Variants in ENDOV observed in about 807,000 individuals in gnomAD.
The protein encoded by ENDOV is endonuclease V.
A neutral mutation model predicts 39.4 loss-of-function variants in ENDOV; 37 were observed. The ratio of observed to expected loss-of-function variants is 0.94; its 90% CI spans 0.72 to 1.23. The LOEUF (loss-of-function observed/expected upper bound fraction) is 1.23. Ranked by LOEUF, ENDOV falls within the 50% of genes most tolerant of loss-of-function variation. The pLI is 0.00. For missense variants in ENDOV, 441 were observed against 375.7 expected, an observed-to-expected ratio of 1.17 and a Z score of -1.44; for synonymous variants, 186 against 163.4, an observed-to-expected ratio of 1.14 and a Z score of -1.05.
In ENDOV at chr17:80,415,558, G is replaced by T. The variant is rs1599264452; in HGVS notation, c.57-92G>T. The T allele has an allele frequency of 4.8e-6, 7 of 1,453,356 alleles. No homozygotes were observed. In the East Asian group the frequency reaches 1.5e-4, roughly 31 times the overall value. The allele number at this position is 1,453,356 out of a possible 1,614,324, so 90.0% of individuals were successfully genotyped here. ...TTCCCTTGAAGCGGGAGAAGACCCG[G>T]CAGAGGCGCTCTGTCCGCTGCAGCC... On this transcript the variant is annotated intron_variant, in intron 1 of 9. Coordinates refer to ENST00000518137, the MANE Select transcript of ENDOV (RefSeq NM_173627.5).
intron 2 of ENDOV, among the ~76,000 whole-genome samples, chr17:80,419,189 A>AC (rs1377430760): frequency 1.4e-4 from 20 of 146,198 alleles, no homozygotes; most frequent in Admixed American, 2.7e-4. Flanking sequence ...AAAAAAAAAA[A>AC]CAGATTCCAG....
chr17:80,419,436 C>A, intron 2 of ENDOV: 1 of 624,564 alleles, frequency 1.6e-6, no homozygotes, highest in Non-Finnish European at 2.9e-6. Flanking sequence ...TCTGGCGGAG[C>A]CCATTCCATG....
chr17:80,425,523 C>T lies in ENDOV; in HGVS notation c.617C>T (p.Pro206Leu), dbSNP rs1462249146. 1.9e-6 allele frequency: 3 copies of T among 1,597,966 alleles called. No individual in the cohort carries two copies. Among genetic ancestry groups the T allele is most frequent in the Admixed American group, 1.7e-5 (1 of 58,510 alleles). ...AGGAGCCACGACCGCAGCACCAGGC[C>T]CCTCTACATCTCCGTGGGCCACAGG... is the stretch of plus-strand genomic sequence containing the variant. ...ALRSHDRSTR[P>L]LYISVGHRMS... is the part of the protein sequence containing the mutation. Residue 206 changes from proline (P) to leucine (L), a missense_variant, in exon 7 of 10, where the codon CCC becomes CTC. Transcript: ENST00000518137.
At position 80,437,198 on chromosome 17, in the gene ENDOV, A is replaced by T. The variant is rs1004195634; in HGVS notation, c.*1055A>T. Reference sequence around the variant, plus strand: ...AGCAGTGATCTGGCTGGGAAAGGGGACCAGGAGTGCAGGGCACCTGCTGAG... The same window carrying T: ...AGCAGTGATCTGGCTGGGAAAGGGGTCCAGGAGTGCAGGGCACCTGCTGAG... On this transcript the variant is annotated 3_prime_UTR_variant, in exon 10 of 10. Coordinates refer to ENST00000518137, the MANE Select transcript of ENDOV (RefSeq NM_173627.5). 5 of 152,624 alleles carry T rather than the reference A, an allele frequency of 3.3e-5. No homozygotes were observed. The highest frequency in any genetic ancestry group is 4.4e-5 in the Non-Finnish European group (3 of 68,070). 9.5% of individuals were successfully genotyped at this position (152,624 alleles called of 1,614,324 possible).
At position 80,415,704 on chromosome 17, in the gene ENDOV, G is replaced by C. The variant is rs2081027458; in HGVS notation, c.111G>C (p.Gln37His). ...TAGACCGGGACACCGAGGCGTGGCA[G>C]CGAGACCCCGCCTTCTCGGGTCTGC... ...HVVDRDTEAW[Q>H]RDPAFSGLQR... The change falls in exon 2 of 10, where the codon CAG (glutamine) becomes CAC (histidine). Residue 37 changes from glutamine to histidine, a missense_variant. Transcript: ENST00000518137. The C allele has an allele frequency of 1.9e-6, 3 of 1,611,190 alleles. No homozygotes were observed. Among genetic ancestry groups the C allele is most frequent in the Middle Eastern group, 1.7e-4 (1 of 6,018 alleles).
rs575096679 is a variant in ENDOV, at chr17:80,423,733, C to T, written c.516+101C>T. ...TTCTGGACCAGCCCTTGCCTGCTGA[C>T]GCTGCCCTCCTCATCCCTGGCTTGT... On this transcript the variant is annotated intron_variant, in intron 5 of 9. Transcript: ENST00000518137. The T allele has an allele frequency of 1.5e-4, 162 of 1,081,884 alleles. No individual in the cohort carries two copies. In the East Asian group the frequency reaches 3.4e-3, roughly 23 times the overall value. The allele number at this position is 1,081,884 out of a possible 1,614,324, so 67.0% of individuals were successfully genotyped here.
chr17:80,429,179 A>T (rs777368313), intron 8 of ENDOV, among the ~76,000 whole-genome samples: 3 of 152,200 alleles, frequency 2.0e-5, no homozygotes, highest in Non-Finnish European at 4.4e-5. Context: ...AGTGCAAGGC[A>T]TTGTCTTAAA....
At chr17:80,422,387 G>A (rs994899142) in intron 4 of ENDOV, 142 bp downstream of exon 4, 42 of 1,017,964 alleles carry the variant, frequency 4.1e-5, no homozygotes, top group African/African-American at 1.3e-4. Context: ...TCGGCGCAAC[G>A]GGGACGCGCA....
chr17:80,415,433 C>T, intron 1 of ENDOV, 183 bp downstream of exon 1: 1 of 971,810 alleles, frequency 1.0e-6, no homozygotes, highest in Non-Finnish European at 1.5e-6. Flanking sequence ...GCGGGGTGGG[C>T]GCGGTTCTCG....
intron 6 of ENDOV, 138 bp downstream of exon 6, chr17:80,425,238 T>C: frequency 1.2e-6 from 1 of 865,978 alleles, no homozygotes; most frequent in Non-Finnish European, 1.8e-6. Flanking sequence ...TCCATCCTCC[T>C]GCCTCTGACT....
At chr17:80,430,100 A>C (rs1026137054) in intron 9 of ENDOV, 2 of 1,534,750 alleles carry the variant, frequency 1.3e-6, no homozygotes, top group African/African-American at 2.7e-5. Flanking sequence ...ACGCCGCAGC[A>C]CAGCCCAGCA....
Position 80,427,570 on chromosome 17 carries a change from A to G in ENDOV, c.715-1026A>G, listed in dbSNP as rs1018803184. ...CAGCCACCCCGTACCAGGAGCCCGC[A>G]GCTTCTTACTGTTGGGCGTGAGCCG... On this transcript the variant is annotated intron_variant, in intron 7 of 9. Coordinates refer to ENST00000518137, the MANE Select transcript of ENDOV (RefSeq NM_173627.5). The G allele has an allele frequency of 2.8e-6, 3 of 1,069,046 alleles. No individual in the cohort carries two copies. In the African/African-American group the frequency reaches 5.0e-5, roughly 18 times the overall value. 66.2% of individuals were successfully genotyped at this position (1,069,046 alleles called of 1,614,324 possible). A position where few individuals can be genotyped will look rare whatever the true frequency, so the allele number is the denominator to read the frequency against.
chr17:80,428,132 C>G (rs907657527), intron 7 of ENDOV, among the ~76,000 whole-genome samples: 1 of 152,218 alleles, frequency 6.6e-6, no homozygotes, highest in Admixed American at 6.5e-5. Context: ...ATTCTGGAGA[C>G]GGGACAGGGG....
In ENDOV at chr17:80,425,014, T is replaced by A; in HGVS notation, c.517-18T>A. 6.2e-7 allele frequency: 1 copy of A among 1,609,754 alleles called. No individual in the cohort carries two copies. Among genetic ancestry groups the A allele is most frequent in the Non-Finnish European group, 8.5e-7 (1 of 1,177,790 alleles). ...GAAGAGAGGGGTTTTTTTCCCCATTTTTCCCTCCATTTTCCAGATCCGACT... is the reference window on the plus strand; with the variant it reads ...GAAGAGAGGGGTTTTTTTCCCCATTATTCCCTCCATTTTCCAGATCCGACT... On this transcript the variant is annotated intron_variant, in intron 5 of 9. Coordinates refer to ENST00000518137, the MANE Select transcript of ENDOV (RefSeq NM_173627.5).
chr17:80,429,611 C>T (rs1292349478), intron 8 of ENDOV, among the ~76,000 whole-genome samples, 162 bp from the exon 9 acceptor site: 1 of 152,246 alleles, frequency 6.6e-6, no homozygotes, highest in Non-Finnish European at 1.5e-5. Flanking sequence ...TGAATGCAAG[C>T]TGCGTGTCTG....
intron 9 of ENDOV, among the ~76,000 whole-genome samples, chr17:80,431,652 C>T (rs1187582659): frequency 3.9e-5 from 6 of 152,138 alleles, no homozygotes; most frequent in South Asian, 2.1e-4. Context: ...TCAGTGGCCC[C>T]GGACTGGCCT....
chr17:80,427,352 T>C, intron 7 of ENDOV: 1 of 888,972 alleles, frequency 1.1e-6, no homozygotes, highest in African/African-American at 1.8e-5. Flanking sequence ...CTGGAGCTCC[T>C]GTACCTTTTT....
chr17:80,424,579 G>A (rs2082454966), intron 5 of ENDOV, among the ~76,000 whole-genome samples: 1 of 152,214 alleles, frequency 6.6e-6, no homozygotes, highest in Admixed American at 6.5e-5. Context: ...GTCGTCTCAG[G>A]TGGTGTGGCT....
intron 8 of ENDOV, among the ~76,000 whole-genome samples, chr17:80,429,198 A>G (rs186332752): frequency 7.1e-4 from 108 of 152,366 alleles, no homozygotes; most frequent in African/African-American, 2.1e-3. Context: ...AAACCATTGC[A>G]GATGGTTTGA....
Sources: allele counts gnomAD v4.1 joint callset (sites outside exome capture counted in the v4.1 genomes callset), GRCh38; gene constraint gnomAD v4.1.1; transcripts MANE v1.5; gene names NCBI Gene and HGNC (gene_info 2026-07-23, HGNC 2026-07-21).